PPP1R13L: variants seen among roughly 807,000 people sequenced by gnomAD.
PPP1R13L encodes the protein relA-associated inhibitor.
Under a neutral mutation model 80.9 loss-of-function variants are expected in PPP1R13L, and 50 were observed. The observed-to-expected ratio is 0.62, with a 90% CI of 0.49 to 0.78. The LOEUF (loss-of-function observed/expected upper bound fraction) is 0.78. Among genes scored for constraint, PPP1R13L ranks in the 30% least tolerant of loss-of-function variants. The probability of loss-of-function intolerance (pLI) is 0.00; values close to 1 mark genes in which losing one functional copy is unlikely to be tolerated. For missense variants in PPP1R13L, 1,200 were observed against 1,205.9 expected, an observed-to-expected ratio of 1.00 and a Z score of 0.07; for synonymous variants, 602 against 534.3, an observed-to-expected ratio of 1.13 and a Z score of -1.75.
Position 45,395,858 on chromosome 19 carries a change from C to T in PPP1R13L, c.932G>A (p.Arg311His), listed in dbSNP as rs1973077830. The T allele has an allele frequency of 2.5e-6, 4 of 1,595,756 alleles. No individual in the cohort carries two copies. The African/African-American group carries it at 4.0e-5, about 16-fold the overall frequency. The change falls in exon 7 of 13, where the codon CGC (arginine) becomes CAC (histidine). Residue 311 changes from arginine to histidine, a missense_variant. Coordinates refer to ENST00000360957, the MANE Select transcript of PPP1R13L (RefSeq NM_006663.4). ...KDNLTSATLP[R>H]NYKVSPLASD... ...GGCCAGAGGAGAGACCTTGTAATTG[C>T]GCGGCAGGGTGGCGCTAGTGAGGTT...
chr19:45,401,312 G>GC (rs1973228097), intron 1 of PPP1R13L, among the ~76,000 whole-genome samples: 1 of 147,088 alleles, frequency 6.8e-6, no homozygotes, highest in South Asian at 2.1e-4. Flanking sequence ...CCGAGATCGC[G>GC]CCACTGCACT....
In PPP1R13L at chr19:45,395,814, C is replaced by T. The variant is rs369166606; in HGVS notation, c.976G>A (p.Ala326Thr). 4.4e-6 allele frequency: 7 copies of T among 1,590,768 alleles called. No individual in the cohort carries two copies. In the African/African-American group the frequency reaches 5.4e-5, roughly 12 times the overall value. ...CCCAGCGAGCGCCGGTAGCTGCCCG[C>T]GTCTGAACGCCGGTCGCTGGCCAGA... ...SPLASDRRSDAGSYRRSLGSA... is the reference protein window; with the variant it reads ...SPLASDRRSDTGSYRRSLGSA... Residue 326 changes from alanine (A) to threonine (T), a missense_variant, in exon 7 of 13, where the codon GCG (alanine) becomes ACG (threonine). By Grantham distance (58) the Ala-to-Thr change is moderately conservative. This residue lies in a region of PPP1R13L where 764 missense variants were observed against 714.5 expected (regional missense o/e 1.07). Coordinates refer to ENST00000360957, the MANE Select transcript of PPP1R13L (RefSeq NM_006663.4).
intron 12 of PPP1R13L, among the ~76,000 whole-genome samples, chr19:45,380,850 AG>A (rs1430754380): frequency 9.8e-5 from 10 of 101,672 alleles, no homozygotes; most frequent in African/African-American, 1.1e-4. Flanking sequence ...ACACACACAC[AG>A]AAAAAAAAAA....
upstream of PPP1R13L, chr19:45,406,235 G>A (rs1429874346): frequency 1.1e-6 from 1 of 947,884 alleles, no homozygotes; most frequent in Non-Finnish European, 1.3e-6. The surrounding 1 kb of genome is among the most constrained non-coding windows in gnomAD (Gnocchi z 4.2). Flanking sequence ...AGGCATCTGG[G>A]CCTCCCCAGA....
chr19:45,405,763 C>T (rs747070318), upstream of PPP1R13L, among the ~76,000 whole-genome samples: 1 of 152,220 alleles, frequency 6.6e-6, no homozygotes, highest in Non-Finnish European at 1.5e-5. Flanking sequence ...GTGGCGCTGA[C>T]ACACTGGCCA....
intron 11 of PPP1R13L, among the ~76,000 whole-genome samples, chr19:45,383,933 T>C (rs1266915044): frequency 6.6e-6 from 1 of 151,798 alleles, no homozygotes; most frequent in East Asian, 1.9e-4. Context: ...GGCTAAATTG[T>C]TTTATATTTT....
chr19:45,400,234 C>T (rs1255183944), intron 1 of PPP1R13L, among the ~76,000 whole-genome samples: 1 of 151,950 alleles, frequency 6.6e-6, no homozygotes, highest in Non-Finnish European at 1.5e-5. Flanking sequence ...CTCTCACTGA[C>T]CCATTGTTAG....
intron 7 of PPP1R13L, chr19:45,393,029 A>T (rs1055388005): frequency 2.0e-5 from 3 of 149,340 alleles, no homozygotes; most frequent in Non-Finnish European, 4.4e-5. Context: ...AAAAAAAAAA[A>T]AAAAAAATTA....
Position 45,385,593 on chromosome 19 carries a change from C to G in PPP1R13L, c.2217G>C (p.Glu739Asp), listed in dbSNP as rs922432169. Reference sequence around the variant, plus strand: ...GGTAGGTGGCGCAGTCAGCATAACCCTCGCGGTAAGGGTCGCACTTCTCGA... The same window carrying G: ...GGTAGGTGGCGCAGTCAGCATAACCGTCGCGGTAAGGGTCGCACTTCTCGA... ...TAFEKCDPYR[E>D]GYADCATYLA... Residue 739 changes from glutamate (E) to aspartate (D), a missense_variant, in exon 11 of 13, where the codon GAG becomes GAC. Physicochemically the swap from Glu to Asp is conservative, Grantham distance 45. Around this residue, in one of 5 missense-constraint regions of PPP1R13L, gnomAD observed 165 missense variants for 177.1 expected, o/e 0.93. Coordinates refer to ENST00000360957, the MANE Select transcript of PPP1R13L (RefSeq NM_006663.4). 2 of 1,613,074 alleles carry G rather than the reference C, an allele frequency of 1.2e-6. No individual in the cohort carries two copies. The highest frequency in any genetic ancestry group is 1.7e-5 in the Admixed American group (1 of 60,012).
chr19:45,386,332 G>A lies in PPP1R13L; in HGVS notation c.1816-152C>T. On this transcript the variant is annotated intron_variant, in intron 8 of 12. Coordinates refer to ENST00000360957, the MANE Select transcript of PPP1R13L (RefSeq NM_006663.4). Reference sequence around the variant, plus strand: ...CGGGATGGGGTGAGGGGGTGCCTTCGATCTCCTCCTAGAGCCTCCAGTTCC... The same window carrying A: ...CGGGATGGGGTGAGGGGGTGCCTTCAATCTCCTCCTAGAGCCTCCAGTTCC... 11 of 945,782 alleles carry A rather than the reference G, an allele frequency of 1.2e-5. No homozygotes were observed. The South Asian group carries it at 1.8e-4, about 16-fold the overall frequency. The allele number at this position is 945,782 out of a possible 1,614,324, so 58.6% of individuals were successfully genotyped here. A position where few individuals can be genotyped will look rare whatever the true frequency, so the allele number is the denominator to read the frequency against.
At chr19:45,388,768 C>T (rs931779383) in intron 8 of PPP1R13L, among the ~76,000 whole-genome samples, 6 of 151,512 alleles carry the variant, frequency 4.0e-5, no homozygotes, top group African/African-American at 1.5e-4. Context: ...GACAGAGTTT[C>T]TCTCTGTTGC....
intron 8 of PPP1R13L, among the ~76,000 whole-genome samples, chr19:45,389,226 C>T (rs1972923162): frequency 2.0e-5 from 3 of 152,150 alleles, no homozygotes; most frequent in African/African-American, 7.2e-5. Context: ...TATTCATCCC[C>T]TCTTGATTTC....
intron 11 of PPP1R13L, among the ~76,000 whole-genome samples, chr19:45,384,566 G>A (rs561575424): frequency 3.4e-5 from 5 of 149,040 alleles, no homozygotes; most frequent in South Asian, 2.2e-4. Flanking sequence ...TAAATATTTC[G>A]TAGAGGTCAG....
chr19:45,382,533 G>A lies in PPP1R13L; in HGVS notation c.2442C>T (p.Tyr814=). ...ACTTCTCCCCTGGGCTCACCCCGAAGTAGTTCCGCGGCACGTAGCCCTCCT... is the reference window on the plus strand; with the variant it reads ...ACTTCTCCCCTGGGCTCACCCCGAAATAGTTCCGCGGCACGTAGCCCTCCT... ...HGQEGYVPRN[Y]FGLFPRVKPQ... Residue 814 remains tyrosine (Y), a synonymous_variant, in exon 12 of 13, where the codon TAC becomes TAT. Transcript: ENST00000360957. 6.2e-7 allele frequency: 1 copy of A among 1,612,622 alleles called. No individual in the cohort carries two copies. Among genetic ancestry groups the A allele is most frequent in the Non-Finnish European group, 8.5e-7 (1 of 1,179,362 alleles).
Position 45,397,062 on chromosome 19 carries a change from T to C in PPP1R13L, c.199-4A>G, listed in dbSNP as rs1370459644. ...AGCTGGAGCTGTACCGGGGCGGCTG[T>C]GGGGAGGCCAGGGCATTGAGGGATG... On this transcript the variant is annotated splice_region_variant and splice_polypyrimidine_tract_variant and intron_variant, in intron 3 of 12. Coordinates refer to ENST00000360957, the MANE Select transcript of PPP1R13L (RefSeq NM_006663.4). 2.3e-6 allele frequency: 3 copies of C among 1,305,804 alleles called. No individual in the cohort carries two copies. In the East Asian group the frequency reaches 9.1e-5, roughly 39 times the overall value. 80.9% of individuals were successfully genotyped at this position (1,305,804 alleles called of 1,614,324 possible). A position where few individuals can be genotyped will look rare whatever the true frequency, so the allele number is the denominator to read the frequency against.
intron 1 of PPP1R13L, among the ~76,000 whole-genome samples, chr19:45,402,898 C>A (rs1390095076): frequency 6.6e-6 from 1 of 152,152 alleles, no homozygotes; most frequent in African/African-American, 2.4e-5. Context: ...CAGTAGGAAC[C>A]GGGTCAGAGA....
intron 11 of PPP1R13L, among the ~76,000 whole-genome samples, chr19:45,384,366 CAAA>C (rs770216477): frequency 2.4e-4 from 22 of 91,288 alleles, no homozygotes; most frequent in African/African-American, 5.6e-4. Flanking sequence ...ACTAAAAATA[CAAA>C]AAAAAAAAAA....
intron 8 of PPP1R13L, among the ~76,000 whole-genome samples, chr19:45,388,143 G>A (rs1380705691): frequency 2.6e-5 from 4 of 151,820 alleles, no homozygotes; most frequent in Non-Finnish European, 4.4e-5. Flanking sequence ...ACTCCAGCCT[G>A]GGTGACAGAG....
intron 2 of PPP1R13L, 58 bp downstream of exon 2, chr19:45,398,206 C>G: frequency 6.2e-7 from 1 of 1,612,958 alleles, no homozygotes; most frequent in South Asian, 1.1e-5. Flanking sequence ...GGCCTCAGCA[C>G]CCCTCGCCCG....
Sources: allele counts gnomAD v4.1 joint callset (sites outside exome capture counted in the v4.1 genomes callset), GRCh38; gene constraint gnomAD v4.1.1; regional missense constraint gnomAD v4.1.1; non-coding constraint Gnocchi (gnomAD v3.1); transcripts MANE v1.5; gene names NCBI Gene and HGNC (gene_info 2026-07-23, HGNC 2026-07-21).